The following PTPRM variants were observed in gnomAD, a reference collection of about 807,000 sequenced individuals.
The protein encoded by PTPRM is receptor-type tyrosine-protein phosphatase mu.
A neutral mutation model predicts 186.7 loss-of-function variants in PTPRM; 47 were observed. That is an observed-to-expected ratio of 0.25 (90% CI 0.20 to 0.32). The LOEUF (loss-of-function observed/expected upper bound fraction) is 0.32, where lower values mean the gene tolerates loss of function less well. PTPRM is among the 10% of genes least tolerant of loss of function. The probability of loss-of-function intolerance (pLI) is 1.00; values close to 1 mark genes in which losing one functional copy is unlikely to be tolerated. For synonymous variants in PTPRM, 668 were observed against 674.9 expected (o/e 0.99, Z 0.16); for missense variants, 1,494 against 1,865.0 (o/e 0.80, Z 3.66).
chr18:8,259,477 T>C (rs1485872137), intron 19 of PTPRM, among the ~76,000 whole-genome samples: 1 of 152,160 alleles, frequency 6.6e-6, no homozygotes, highest in Non-Finnish European at 1.5e-5. Context: ...TTTAAACATA[T>C]GAGTTGTATA....
chr18:7,611,198 A>C (rs1300596316), intron 1 of PTPRM, among the ~76,000 whole-genome samples: 1 of 152,242 alleles, frequency 6.6e-6, no homozygotes, highest in East Asian at 1.9e-4. Flanking sequence ...AGTTAAAAAA[A>C]ATTAAAAGTT....
intron 1 of PTPRM, among the ~76,000 whole-genome samples, chr18:7,642,534 T>C (rs556556940): frequency 6.6e-6 from 1 of 152,312 alleles, no homozygotes; most frequent in South Asian, 2.1e-4. Context: ...ATTTGTCAAC[T>C]TAAATCATCT....
At chr18:8,362,430 C>G (rs2095602707) in intron 23 of PTPRM, among the ~76,000 whole-genome samples, 1 of 152,142 alleles carries the variant, frequency 6.6e-6, no homozygotes. Context: ...CAATACAATT[C>G]CCTTTATTTC....
At chr18:7,616,626 C>T (rs752320363) in intron 1 of PTPRM, among the ~76,000 whole-genome samples, 1 of 152,116 alleles carries the variant, frequency 6.6e-6, no homozygotes, top group African/African-American at 2.4e-5. Flanking sequence ...ACTACCAGCC[C>T]GGGCACCCCT....
At chr18:8,039,813 TAGA>T (rs1202627568) in intron 7 of PTPRM, among the ~76,000 whole-genome samples, 1 of 152,174 alleles carries the variant, frequency 6.6e-6, no homozygotes, top group Non-Finnish European at 1.5e-5. Context: ...TTTTCCAGGA[TAGA>T]AGATTTTTAG....
intron 1 of PTPRM, among the ~76,000 whole-genome samples, chr18:7,593,997 T>C (rs910112503): frequency 6.6e-6 from 1 of 152,174 alleles, no homozygotes; most frequent in African/African-American, 2.4e-5. Context: ...TTATTTTCTC[T>C]AAATGGATTA....
intron 5 of PTPRM, among the ~76,000 whole-genome samples, chr18:7,928,736 A>G (rs773437137): frequency 2.0e-5 from 3 of 152,234 alleles, no homozygotes; most frequent in Non-Finnish European, 4.4e-5. Flanking sequence ...TCGCCTTAAC[A>G]GAGTCATCTT....
intron 14 of PTPRM, among the ~76,000 whole-genome samples, chr18:8,186,866 A>T (rs1188986592): frequency 1.3e-5 from 2 of 152,178 alleles, no homozygotes; most frequent in East Asian, 3.9e-4. Context: ...CAGAGGAGTG[A>T]CGTGCATGGT....
chr18:8,325,292 T>G (rs1261923852), intron 22 of PTPRM, among the ~76,000 whole-genome samples: 1 of 152,166 alleles, frequency 6.6e-6, no homozygotes, highest in Non-Finnish European at 1.5e-5. Context: ...CGATAGGTAG[T>G]TTTTTAATCC....
intron 13 of PTPRM, among the ~76,000 whole-genome samples, chr18:8,129,572 AC>A (rs1437505204): frequency 2.0e-5 from 3 of 152,240 alleles, no homozygotes; most frequent in Admixed American, 2.0e-4. Context: ...GCTGTGTTGT[AC>A]TGCTGTGTGA....
At chr18:7,994,055 C>G (rs2083402177) in intron 7 of PTPRM, among the ~76,000 whole-genome samples, 1 of 151,986 alleles carries the variant, frequency 6.6e-6, no homozygotes, top group South Asian at 2.1e-4. Flanking sequence ...AAGACCCAAC[C>G]ATATTCTGCC....
chr18:7,665,700 G>T (rs571795336), intron 1 of PTPRM, among the ~76,000 whole-genome samples: 25 of 152,226 alleles, frequency 1.6e-4, no homozygotes, highest in African/African-American at 5.1e-4. Context: ...GCCGAGGGGG[G>T]TGGATCATGA....
At chr18:7,627,064 G>T (rs888255504) in intron 1 of PTPRM, among the ~76,000 whole-genome samples, 11 of 152,044 alleles carry the variant, frequency 7.2e-5, no homozygotes, top group African/African-American at 2.7e-4. Context: ...GACTTCCCTG[G>T]TCTCCTTCCT....
chr18:8,195,220 A>T (rs888522630), intron 14 of PTPRM, among the ~76,000 whole-genome samples: 12 of 144,932 alleles, frequency 8.3e-5, no homozygotes, highest in African/African-American at 3.1e-4. Flanking sequence ...TTTCACAAGG[A>T]CTTCATTGGC....
chr18:8,402,928 T>G (rs2095879905), intron 32 of PTPRM: 1 of 152,250 alleles, frequency 6.6e-6, no homozygotes, highest in African/African-American at 2.4e-5. Context: ...GTAAAATATT[T>G]GTTATTTGCA....
At chr18:7,851,509 C>G (rs2046857116) in intron 2 of PTPRM, among the ~76,000 whole-genome samples, 1 of 152,064 alleles carries the variant, frequency 6.6e-6, no homozygotes, top group Non-Finnish European at 1.5e-5. Flanking sequence ...AGCCTCTCAG[C>G]AGAAATAATG....
In PTPRM at chr18:7,966,697, G is replaced by A. The variant is rs564707727; in HGVS notation, c.1132+11283G>A. On this transcript the variant is annotated intron_variant, in intron 7 of 32. Coordinates refer to ENST00000580170, the MANE Select transcript of PTPRM (RefSeq NM_001105244.2). Reference sequence around the variant, plus strand: ...TCCGAGTCAAAGAAAGGGGTGACGGGCGCACCTGGAAAATCGGGTCACTCC... The same window carrying A: ...TCCGAGTCAAAGAAAGGGGTGACGGACGCACCTGGAAAATCGGGTCACTCC... 5.7e-3 allele frequency among the ~76,000 whole-genome samples: 804 copies of A among 140,706 alleles called. 1 individual carries two copies. Among genetic ancestry groups the A allele is most frequent in the Non-Finnish European group, 6.3e-3 (403 of 64,054 alleles). The allele number at this position is 140,706 out of a possible 152,430, so 92.3% of individuals were successfully genotyped here. A position where few individuals can be genotyped will look rare whatever the true frequency, so the allele number is the denominator to read the frequency against.
chr18:7,926,704 C>T (rs754185853), intron 5 of PTPRM, 21 bp downstream of exon 5: 162 of 1,584,790 alleles, frequency 1.0e-4, no homozygotes, highest in Non-Finnish European at 1.3e-4. Context: ...TCATTTTCAT[C>T]AGTTGATGAG....
intron 1 of PTPRM, among the ~76,000 whole-genome samples, chr18:7,666,238 C>G (rs180790771): frequency 6.6e-6 from 1 of 152,242 alleles, no homozygotes; most frequent in East Asian, 1.9e-4. Context: ...TCTCTGTTCC[C>G]TTTATTTTCT....
Sources: gnomAD v4.1 joint callset for allele counts (sites outside exome capture counted in the v4.1 genomes callset) on GRCh38, gnomAD v4.1.1 for gene constraint, MANE v1.5 for transcripts, NCBI Gene and HGNC (gene_info 2026-07-23, HGNC 2026-07-21) for gene names.